SYT17: variants seen among roughly 807,000 people sequenced by gnomAD.
SYT17 encodes synaptotagmin-17.
Under a neutral mutation model 46.7 loss-of-function variants are expected in SYT17, and 22 were observed. The observed-to-expected ratio is 0.47, with a 90% CI of 0.34 to 0.67. The LOEUF is 0.67. SYT17 is among the 30% of genes least tolerant of loss of function. The pLI, the probability that SYT17 is intolerant of heterozygous loss-of-function variation, is 0.01. For missense variants in SYT17, 519 were observed against 612.8 expected (o/e 0.85, Z 1.62); for synonymous variants, 251 against 248.4 (o/e 1.01, Z -0.10).
Position 19,224,750 on chromosome 16 carries a change from A to C in SYT17, c.1140A>C (p.Leu380Phe). 6.2e-7 allele frequency: 1 copy of C among 1,614,096 alleles called. No homozygotes were observed. Among genetic ancestry groups the C allele is most frequent in the Non-Finnish European group, 8.5e-7 (1 of 1,179,966 alleles). The change falls in exon 7 of 8, where the codon TTA (leucine) becomes TTC (phenylalanine). Residue 380 changes from leucine (L) to phenylalanine (F), a missense_variant. Physicochemically the swap from Leu to Phe is conservative, Grantham distance 22 (BLOSUM62 0). Coordinates refer to ENST00000355377, the MANE Select transcript of SYT17 (RefSeq NM_016524.4). The part of the protein sequence containing the change: ...KLVKTKKTSF[L>F]RGTIDPFYNE... ...TGAAAACCAAGAAGACGTCCTTCTT[A>C]AGGGGCACAATTGATCCTTTCTACA...
intron 3 of SYT17, among the ~76,000 whole-genome samples, chr16:19,179,504 G>A (rs572342620): frequency 5.9e-5 from 9 of 152,092 alleles, no homozygotes; most frequent in Admixed American, 5.9e-4. Context: ...TGGCCTCAAG[G>A]GATCCTCCTG....
Position 19,224,830 on chromosome 16 carries a change from T to C in SYT17, c.1220T>C (p.Val407Ala). The change falls in exon 7 of 8, where the codon GTG becomes GCG. Residue 407 changes from valine (V) to alanine (A), a missense_variant. Val to Ala is a moderately conservative substitution (Grantham distance 64). Coordinates refer to ENST00000355377, the MANE Select transcript of SYT17 (RefSeq NM_016524.4). ...PQEELENASL[V>A]FTVFGHNMKS... is the part of the protein sequence containing the mutation. ...GAAGAACTGGAAAATGCCAGCCTAG[T>C]GTTTACAGGTAGGTAGCATTCCAAA... 6.2e-7 allele frequency: 1 copy of C among 1,614,030 alleles called. No individual in the cohort carries two copies. Among genetic ancestry groups the C allele is most frequent in the Non-Finnish European group, 8.5e-7 (1 of 1,179,914 alleles).
intron 7 of SYT17, among the ~76,000 whole-genome samples, chr16:19,233,241 G>A (rs1966770153): frequency 6.6e-6 from 1 of 152,196 alleles, no homozygotes; most frequent in African/African-American, 2.4e-5. Context: ...GAATCTGCTG[G>A]TGAGATGAGA....
rs1966868642 is a variant in SYT17 at position 19,237,769 on chromosome 16, G to A, written c.1228+12931G>A. 2.0e-5 allele frequency among the ~76,000 whole-genome samples: 3 copies of A among 152,164 alleles called. No homozygotes were observed. The South Asian group carries it at 6.2e-4, about 32-fold the overall frequency. On this transcript the variant is annotated intron_variant, in intron 7 of 7. Transcript: ENST00000355377. ...ACCCTTTAATTCTTTCCCGGGCAAA[G>A]CCAGGAACCCTCATGGACTAAGCCC...
intron 3 of SYT17, among the ~76,000 whole-genome samples, chr16:19,177,249 T>C (rs1964350662): frequency 6.6e-6 from 1 of 152,104 alleles, no homozygotes; most frequent in Admixed American, 6.5e-5. Context: ...CACCACAAAA[T>C]TCCAGGTGGC....
chr16:19,206,367 G>A (rs1409130021), intron 5 of SYT17, among the ~76,000 whole-genome samples: 2 of 152,166 alleles, frequency 1.3e-5, no homozygotes, highest in East Asian at 3.9e-4. Context: ...TTCTTAGGAG[G>A]AAAGGAATGA....
Position 19,168,420 on chromosome 16 carries a change from C to G in SYT17, c.-227C>G, listed in dbSNP as rs1963947423. The G allele has an allele frequency of 8.3e-6, 5 of 599,848 alleles. No homozygotes were observed. The South Asian group carries it at 1.0e-4, about 12-fold the overall frequency. The allele number at this position is 599,848 out of a possible 1,614,324, so 37.2% of individuals were successfully genotyped here. A position where few individuals can be genotyped will look rare whatever the true frequency, so the allele number is the denominator to read the frequency against. ...GCCCTGGGCGCCCGATATCTCCGAA[C>G]CGGGGAGGCGGCCCCGATTCCGAGA... On this transcript the variant is annotated 5_prime_UTR_variant, in exon 1 of 8. Transcript: ENST00000355377. The surrounding 1 kb of genome is among the most constrained non-coding windows in gnomAD (Gnocchi z 6.9).
intron 7 of SYT17, among the ~76,000 whole-genome samples, chr16:19,233,004 G>A (rs767230640): frequency 4.6e-5 from 7 of 152,128 alleles, no homozygotes; most frequent in Non-Finnish European, 1.0e-4. Flanking sequence ...CCAGGCGTCT[G>A]GGTTTTTTGG....
intron 7 of SYT17, among the ~76,000 whole-genome samples, chr16:19,265,557 G>A (rs2143004519): frequency 6.6e-6 from 1 of 152,290 alleles, no homozygotes; most frequent in East Asian, 1.9e-4. Flanking sequence ...TAGCATTCAA[G>A]CTCTGTTTTT....
At chr16:19,173,053 C>G in intron 2 of SYT17, 1 of 574,956 alleles carries the variant, frequency 1.7e-6, no homozygotes, top group East Asian at 2.9e-5. Context: ...TATTTTTTCC[C>G]CTGCTTTCAA....
At chr16:19,175,960 T>C (rs1464895774) in intron 3 of SYT17, among the ~76,000 whole-genome samples, 2 of 152,152 alleles carry the variant, frequency 1.3e-5, no homozygotes, top group South Asian at 2.1e-4. Flanking sequence ...CTCAGGGAAT[T>C]TTCAGTCTCA....
intron 5 of SYT17, among the ~76,000 whole-genome samples, chr16:19,193,626 G>T (rs1489538836): frequency 1.3e-5 from 2 of 152,276 alleles, no homozygotes; most frequent in South Asian, 2.1e-4. Flanking sequence ...TTCCTCTAAA[G>T]ACAAAGATTT....
At chr16:19,208,931 C>T (rs1965781287) in intron 5 of SYT17, among the ~76,000 whole-genome samples, 1 of 122,750 alleles carries the variant, frequency 8.1e-6, no homozygotes, top group African/African-American at 3.2e-5. Flanking sequence ...CTCGCGCTGT[C>T]ACCCAGGCTG....
At chr16:19,192,958 T>C (rs1965085364) in intron 5 of SYT17, among the ~76,000 whole-genome samples, 1 of 152,170 alleles carries the variant, frequency 6.6e-6, no homozygotes, top group South Asian at 2.1e-4. Context: ...CTTGAGCCAA[T>C]GGGCTGGGAG....
At chr16:19,192,791 C>T (rs73532735) in intron 5 of SYT17, among the ~76,000 whole-genome samples, 9,568 of 152,042 alleles carry the variant, frequency 0.063, 1,009 homozygotes, top group African/African-American at 0.22. Flanking sequence ...AGTGCGGGGT[C>T]GGTTGGGGGT....
rs371509222 is a variant in SYT17 at position 19,183,931 on chromosome 16, C to T, written c.735C>T (p.Thr245=). The part of the protein sequence containing the change: ...LLPDQKNSKQ[T]GVKRKTQKPV... The stretch of plus-strand genomic sequence containing the variant: ...CAGACCAGAAGAACTCAAAGCAGAC[C>T]GGGGTCAAACGCAAGACCCAGAAGC... Residue 245 remains threonine, a synonymous_variant, in exon 5 of 8, where the codon ACC becomes ACT. Transcript: ENST00000355377. This position sits in a 1 kb window ranked among gnomAD's most constrained non-coding sequence, Gnocchi z 5.6. The T allele has an allele frequency of 4.3e-5, 69 of 1,614,112 alleles. No homozygotes were observed. The highest frequency in any genetic ancestry group is 1.1e-4 in the East Asian group (5 of 44,894).
intron 1 of SYT17, chr16:19,171,697 A>G (rs896639523): frequency 6.6e-6 from 1 of 152,214 alleles, no homozygotes; most frequent in Non-Finnish European, 1.5e-5. Context: ...TAAAAAAATC[A>G]TATGAAAAGG....
At chr16:19,227,905 A>G (rs1370869772) in intron 7 of SYT17, among the ~76,000 whole-genome samples, 1 of 152,194 alleles carries the variant, frequency 6.6e-6, no homozygotes, top group African/African-American at 2.4e-5. Context: ...TACCACACTG[A>G]CACTTGCTTT....
At chr16:19,265,188 T>A (rs1420943303) in intron 7 of SYT17, among the ~76,000 whole-genome samples, 1 of 152,210 alleles carries the variant, frequency 6.6e-6, no homozygotes, top group East Asian at 1.9e-4. Flanking sequence ...TGTTCAATTA[T>A]TTTTTCAAAT....
Sources: gnomAD v4.1 joint callset for allele counts (sites outside exome capture counted in the v4.1 genomes callset) on GRCh38, gnomAD v4.1.1 for gene constraint, Gnocchi (gnomAD v3.1) non-coding constraint, MANE v1.5 for transcripts, NCBI Gene and HGNC (gene_info 2026-07-23, HGNC 2026-07-21) for gene names.